SLC12A1: variants seen among roughly 807,000 people sequenced by gnomAD.
SLC12A1 encodes solute carrier family 12 member 1.
SLC12A1 carries 89 observed loss-of-function variants against 130.4 expected under a neutral mutation model. The observed-to-expected ratio is 0.68, with a 90% CI of 0.58 to 0.81. The LOEUF is 0.81. Among genes scored for constraint, SLC12A1 ranks in the 40% least tolerant of loss-of-function variants. SLC12A1 has a pLI of 0.00. For synonymous variants in SLC12A1, 499 were observed against 460.0 expected (o/e 1.08, Z -1.09); for missense variants, 1,310 against 1,336.4 (o/e 0.98, Z 0.31).
At chr15:48,297,382 T>TG (rs1182016011) in intron 24 of SLC12A1, among the ~76,000 whole-genome samples, 1 of 152,220 alleles carries the variant, frequency 6.6e-6, no homozygotes, top group Non-Finnish European at 1.5e-5. Context: ...TGTGCCCACC[T>TG]GGCCAATTAC....
chr15:48,288,899 C>T (rs146047294), intron 23 of SLC12A1, among the ~76,000 whole-genome samples: 1 of 152,108 alleles, frequency 6.6e-6, no homozygotes, highest in Admixed American at 6.6e-5. Flanking sequence ...ATTCAAAACT[C>T]CTAATTCATG....
chr15:48,281,956 C>G (rs2042012632), intron 20 of SLC12A1, among the ~76,000 whole-genome samples: 1 of 152,078 alleles, frequency 6.6e-6, no homozygotes, highest in African/African-American at 2.4e-5. Flanking sequence ...TGCATGCAAA[C>G]AGAGGCAAGC....
At chr15:48,235,344 G>C in intron 9 of SLC12A1, 2 of 181,284 alleles carry the variant, frequency 1.1e-5, no homozygotes, top group Non-Finnish European at 2.4e-5. Flanking sequence ...TCCTGTAAAA[G>C]TAAAAAAAAA....
Position 48,245,025 on chromosome 15 carries a change from T to C in SLC12A1, c.1452+121T>C, listed in dbSNP as rs1597422910. On this transcript the variant is annotated intron_variant, in intron 11 of 26. Transcript: ENST00000380993. Reference sequence around the variant, plus strand: ...TGGCTGATAAGAATCCAGCATGGAATGATTCATGTGGAAATGAAAGGAGTC... The same window carrying C: ...TGGCTGATAAGAATCCAGCATGGAACGATTCATGTGGAAATGAAAGGAGTC... The C allele has an allele frequency of 1.1e-5, 10 of 915,700 alleles. No homozygotes were observed. In the East Asian group the frequency reaches 2.4e-4, roughly 22 times the overall value. The allele number at this position is 915,700 out of a possible 1,614,324, so 56.7% of individuals were successfully genotyped here.
At chr15:48,232,496 C>T (rs1413451688) in intron 7 of SLC12A1, among the ~76,000 whole-genome samples, 1 of 152,156 alleles carries the variant, frequency 6.6e-6, no homozygotes, top group Non-Finnish European at 1.5e-5. Flanking sequence ...ATGTCACGTT[C>T]AACTGCCCAA....
chr15:48,299,297 T>G, intron 25 of SLC12A1, 22 bp downstream of exon 25: 15 of 1,550,808 alleles, frequency 9.7e-6, no homozygotes, highest in Non-Finnish European at 1.3e-5. Flanking sequence ...TCTTTCTTAA[T>G]TTTTTTGCTG....
intron 17 of SLC12A1, 95 bp from the exon 18 acceptor site, chr15:48,267,466 A>G (rs1009800740): frequency 2.4e-5 from 32 of 1,356,274 alleles, no homozygotes; most frequent in Non-Finnish European, 3.0e-5. Flanking sequence ...TCTTAACTCA[A>G]TGGGGCATTG....
chr15:48,227,233 A>G (rs1035395720), intron 5 of SLC12A1: 35 of 1,131,370 alleles, frequency 3.1e-5, no homozygotes, highest in Non-Finnish European at 4.2e-5. Context: ...TCTGGAGTTA[A>G]TTTACTATTG....
chr15:48,222,252 G>C (rs1353825954), intron 4 of SLC12A1: 1 of 152,122 alleles, frequency 6.6e-6, no homozygotes, highest in Non-Finnish European at 1.5e-5. Context: ...ACATTACTTT[G>C]TTTGGAGGTG....
At chr15:48,217,406 T>G (rs1018048145) in intron 2 of SLC12A1, among the ~76,000 whole-genome samples, 3 of 152,200 alleles carry the variant, frequency 2.0e-5, no homozygotes, top group Non-Finnish European at 4.4e-5. Flanking sequence ...TTAGCCTCAA[T>G]TTTTTGGACT....
At chr15:48,208,291 T>C (rs2041006481) in intron 2 of SLC12A1, among the ~76,000 whole-genome samples, 152 bp downstream of exon 2, 1 of 152,140 alleles carries the variant, frequency 6.6e-6, no homozygotes, top group African/African-American at 2.4e-5. Flanking sequence ...CTGTCCCTAG[T>C]TCCCAGAAAA....
chr15:48,231,245 C>T (rs1157783762), intron 7 of SLC12A1, among the ~76,000 whole-genome samples: 1 of 152,212 alleles, frequency 6.6e-6, no homozygotes, highest in African/African-American at 2.4e-5. Context: ...GTGCCTACCA[C>T]ATGTTGAGCA....
chr15:48,253,970 A>G (rs549381378), intron 15 of SLC12A1, among the ~76,000 whole-genome samples: 2 of 152,288 alleles, frequency 1.3e-5, no homozygotes, highest in East Asian at 3.9e-4. Context: ...GTCTGTTTAA[A>G]TCTTTCGCTC....
intron 2 of SLC12A1, among the ~76,000 whole-genome samples, chr15:48,208,800 C>T (rs1156910932): frequency 1.3e-5 from 2 of 152,184 alleles, no homozygotes; most frequent in Admixed American, 6.5e-5. Context: ...AAGCAAAACA[C>T]TTGTGCTTGC....
At chr15:48,299,857 T>C (rs2042214113) in intron 25 of SLC12A1, among the ~76,000 whole-genome samples, 1 of 152,114 alleles carries the variant, frequency 6.6e-6, no homozygotes, top group African/African-American at 2.4e-5. Context: ...ATAATGAGAA[T>C]AATGCAAAGG....
intron 20 of SLC12A1, among the ~76,000 whole-genome samples, chr15:48,275,379 G>T (rs1225927703): frequency 6.6e-6 from 1 of 152,160 alleles, no homozygotes; most frequent in Non-Finnish European, 1.5e-5. Context: ...AGGTGCAAGT[G>T]GTGCTGGGTA....
intron 21 of SLC12A1, 29 bp from the exon 22 acceptor site, chr15:48,288,014 C>T (rs2042077288): frequency 1.3e-6 from 2 of 1,598,298 alleles, no homozygotes; most frequent in East Asian, 2.2e-5. Flanking sequence ...CAAAAGCAAA[C>T]AGATGCATCA....
chr15:48,261,979 A>G (rs1165207415), intron 17 of SLC12A1, among the ~76,000 whole-genome samples: 1 of 152,232 alleles, frequency 6.6e-6, no homozygotes, highest in African/African-American at 2.4e-5. Flanking sequence ...TCTAATGCTG[A>G]GTATGGTGTC....
At chr15:48,266,432 C>T (rs922683804) in intron 17 of SLC12A1, among the ~76,000 whole-genome samples, 21 of 141,726 alleles carry the variant, frequency 1.5e-4, no homozygotes, top group African/African-American at 4.0e-4. Context: ...TTTGTCTGAC[C>T]GCAAAGCCTG....
Sources: gnomAD v4.1 joint callset for allele counts (sites outside exome capture counted in the v4.1 genomes callset) on GRCh38, gnomAD v4.1.1 for gene constraint, MANE v1.5 for transcripts, NCBI Gene and HGNC (gene_info 2026-07-23, HGNC 2026-07-21) for gene names.